SPATA22: variants seen among roughly 807,000 people sequenced by gnomAD.
SPATA22 encodes spermatogenesis-associated protein 22.
In SPATA22, 29 loss-of-function variants were observed where a neutral mutation model predicts 47.8. That is an observed-to-expected ratio of 0.61 (90% confidence interval 0.45 to 0.83). SPATA22 has a LOEUF of 0.83. SPATA22 is among the 40% of genes least tolerant of loss of function. SPATA22 has a pLI of 0.00. For synonymous variants in SPATA22, 133 were observed against 140.9 expected, an observed-to-expected ratio of 0.94 and a Z score of 0.40; for missense variants, 410 against 421.7, an observed-to-expected ratio of 0.97 and a Z score of 0.24.
intron 1 of SPATA22, among the ~76,000 whole-genome samples, chr17:3,487,308 G>A (rs1404852274): frequency 6.6e-6 from 1 of 152,120 alleles, no homozygotes; most frequent in Non-Finnish European, 1.5e-5. Flanking sequence ...TTTTTTCCCA[G>A]TGAGTGCATG....
intron 6 of SPATA22, among the ~76,000 whole-genome samples, chr17:3,446,827 A>G (rs377724017): frequency 6.6e-6 from 1 of 152,272 alleles, no homozygotes; most frequent in Non-Finnish European, 1.5e-5. Context: ...AATTATTTAT[A>G]TAGGTATTCA....
chr17:3,471,729 C>A lies in SPATA22; in HGVS notation c.-121G>T, dbSNP rs984320784. On this transcript the variant is annotated 5_prime_UTR_variant, in exon 1 of 9. Transcript: ENST00000572969. Reference sequence around the variant, plus strand: ...CTGCCAACACGACACACAACTTTCGCCCTCAGTTTCCCTCGCCTCCGTCAA... The same window carrying A: ...CTGCCAACACGACACACAACTTTCGACCTCAGTTTCCCTCGCCTCCGTCAA... The A allele has an allele frequency of 1.8e-5, 18 of 985,302 alleles. No homozygotes were observed. The highest frequency in any genetic ancestry group is 2.2e-5 in the Non-Finnish European group (18 of 830,010). 61.0% of individuals were successfully genotyped at this position (985,302 alleles called of 1,614,324 possible). A position where few individuals can be genotyped will look rare whatever the true frequency, so the allele number is the denominator to read the frequency against.
At chr17:3,456,530 A>G (rs993603420) in intron 5 of SPATA22, among the ~76,000 whole-genome samples, 10 of 151,974 alleles carry the variant, frequency 6.6e-5, no homozygotes, top group African/African-American at 1.9e-4. Context: ...GACCAATAAC[A>G]GGAGCTGAAA....
intron 1 of SPATA22, among the ~76,000 whole-genome samples, chr17:3,470,759 AAG>A (rs1555537392): frequency 1.4e-5 from 1 of 72,538 alleles, no homozygotes; most frequent in Admixed American, 1.2e-4. Flanking sequence ...TCAAAAAAAA[AAG>A]AAAAAAAAAC....
At chr17:3,477,587 G>T (rs1189452328) in intron 1 of SPATA22, among the ~76,000 whole-genome samples, 1 of 152,018 alleles carries the variant, frequency 6.6e-6, no homozygotes, top group African/African-American at 2.4e-5. Flanking sequence ...CGAGTAGCTG[G>T]GATTACAGGC....
intron 1 of SPATA22, chr17:3,513,195 T>C (rs1340373348): frequency 1.3e-5 from 2 of 152,618 alleles, no homozygotes; most frequent in South Asian, 4.1e-4. Flanking sequence ...CAAACTTCAT[T>C]GTAGTAATTT....
intron 3 of SPATA22, among the ~76,000 whole-genome samples, chr17:3,464,231 C>A (rs1306180195): frequency 1.3e-5 from 2 of 151,968 alleles, no homozygotes; most frequent in Non-Finnish European, 2.9e-5. Flanking sequence ...ATCCGCCAGC[C>A]TCGGCCTCCG....
At chr17:3,476,181 G>A (rs771462341), upstream of SPATA22, 2 of 1,613,936 alleles carry the variant, frequency 1.2e-6, no homozygotes. Context: ...TCACATTGCT[G>A]AAGAACATAT....
At chr17:3,455,741 C>G (rs1352833777) in intron 5 of SPATA22, among the ~76,000 whole-genome samples, 3 of 146,456 alleles carry the variant, frequency 2.0e-5, no homozygotes, top group East Asian at 2.0e-4. Flanking sequence ...ATGCCTCCAG[C>G]TTTGTTCTTT....
chr17:3,470,093 CAA>C (rs57432043), intron 1 of SPATA22, among the ~76,000 whole-genome samples: 2 of 54,302 alleles, frequency 3.7e-5, no homozygotes, highest in African/African-American at 7.2e-5. Flanking sequence ...GACTCCATCT[CAA>C]AAAAAAAAAA....
At position 3,485,934 on chromosome 17, in the gene SPATA22, C is replaced by CT. The variant is rs145731380; in HGVS notation, c.-73-16537dup. The stretch of plus-strand genomic sequence containing the variant: ...CAGTGGTTGCATTCTAGGAGGGAAC[C>CT]TTTTTTTTTTTTTTTGAGACGGAGT... On this transcript the variant is annotated intron_variant, in intron 1 of 8. Transcript: ENST00000541913. This position sits in a 1 kb window ranked among gnomAD's most constrained non-coding sequence, Gnocchi z 4.4. Among the ~76,000 whole-genome samples, 435 of 142,354 alleles carry CT rather than the reference C, an allele frequency of 3.1e-3. 7 individuals carry two copies. The highest frequency in any genetic ancestry group is 6.6e-3 in the Admixed American group (94 of 14,206). 93.4% of individuals were successfully genotyped at this position (142,354 alleles called of 152,430 possible).
At chr17:3,470,457 C>A (rs1207482707) in intron 1 of SPATA22, among the ~76,000 whole-genome samples, 1 of 152,118 alleles carries the variant, frequency 6.6e-6, no homozygotes, top group Non-Finnish European at 1.5e-5. Flanking sequence ...AAAAATAAAA[C>A]TTGGGAAACA....
chr17:3,465,790 T>TAAAAA (rs10681973), intron 3 of SPATA22, among the ~76,000 whole-genome samples: 1 of 147,514 alleles, frequency 6.8e-6, no homozygotes, highest in East Asian at 2.0e-4. Context: ...AATAAAAATT[T>TAAAAA]AAAAAACAAA....
chr17:3,494,385 A>C, intron 1 of SPATA22: 1 of 1,613,050 alleles, frequency 6.2e-7, no homozygotes, highest in Non-Finnish European at 8.5e-7. Flanking sequence ...TGAGGTCTAT[A>C]AAATTATAGA....
chr17:3,494,776 A>C (rs2073882428), intron 1 of SPATA22, among the ~76,000 whole-genome samples: 1 of 152,202 alleles, frequency 6.6e-6, no homozygotes, highest in African/African-American at 2.4e-5. Flanking sequence ...ATGGGAGAGG[A>C]GTGGTCAGAC....
At chr17:3,443,754 T>C (rs2072650309) in intron 7 of SPATA22, among the ~76,000 whole-genome samples, 2 of 152,118 alleles carry the variant, frequency 1.3e-5, no homozygotes, top group South Asian at 4.1e-4. Context: ...TTTTATTATA[T>C]ACATTTAAGG....
chr17:3,481,317 G>A (rs1024210076), intron 1 of SPATA22, among the ~76,000 whole-genome samples: 2 of 152,092 alleles, frequency 1.3e-5, no homozygotes, highest in Non-Finnish European at 2.9e-5. Flanking sequence ...GTTCAAGATT[G>A]AAATCAAATG....
At chr17:3,476,292 G>C, upstream of SPATA22, 3 of 1,614,170 alleles carry the variant, frequency 1.9e-6, no homozygotes. Flanking sequence ...TCAGAGAACA[G>C]GGCTGGAGGT....
intron 1 of SPATA22, chr17:3,494,245 C>A (rs2073873478): frequency 2.5e-6 from 2 of 799,246 alleles, no homozygotes; most frequent in South Asian, 1.3e-5. Context: ...CTCAGGTGAT[C>A]CACCCAACTC....
Sources: gnomAD v4.1 joint callset for allele counts (sites outside exome capture counted in the v4.1 genomes callset) on GRCh38, gnomAD v4.1.1 for gene constraint, Gnocchi (gnomAD v3.1) non-coding constraint, MANE v1.5 for transcripts, NCBI Gene and HGNC (gene_info 2026-07-23, HGNC 2026-07-21) for gene names.